GPATCH2L: variants seen among roughly 807,000 people sequenced by gnomAD.
The protein encoded by GPATCH2L is G patch domain-containing protein 2-like.
Under a neutral mutation model 57.4 loss-of-function variants are expected in GPATCH2L, and 31 were observed. The ratio of observed to expected loss-of-function variants is 0.54; its 90% CI spans 0.41 to 0.73. The LOEUF is 0.73. Ranked by LOEUF, GPATCH2L falls within the 30% of genes least tolerant of loss-of-function variation. The pLI is 0.00. For missense variants in GPATCH2L, 481 were observed against 599.9 expected, an observed-to-expected ratio of 0.80 and a Z score of 2.07; for synonymous variants, 199 against 210.7, an observed-to-expected ratio of 0.94 and a Z score of 0.48.
At chr14:76,152,898 G>A (rs2038119960) in intron 1 of GPATCH2L, 3 of 379,124 alleles carry the variant, frequency 7.9e-6, no homozygotes, top group South Asian at 5.9e-5. Flanking sequence ...TGGTCTTAGG[G>A]ACAGTTGTCT....
At chr14:76,176,417 G>T in intron 5 of GPATCH2L, 1 of 557,702 alleles carries the variant, frequency 1.8e-6, no homozygotes, top group Non-Finnish European at 3.2e-6. Flanking sequence ...GATCACTGGA[G>T]AATAATAAAT....
intron 1 of GPATCH2L, among the ~76,000 whole-genome samples, chr14:76,219,875 T>A (rs756068063): frequency 6.6e-6 from 1 of 152,288 alleles, no homozygotes; most frequent in South Asian, 2.1e-4. Context: ...TAAAATTATG[T>A]TTTGTTTGAT....
intron 3 of GPATCH2L, among the ~76,000 whole-genome samples, chr14:76,169,378 A>G (rs2038984818): frequency 6.6e-6 from 1 of 152,232 alleles, no homozygotes; most frequent in African/African-American, 2.4e-5. Flanking sequence ...ATTATTTATA[A>G]TCCAATTAAG....
chr14:76,204,202 C>T lies in GPATCH2L; in HGVS notation c.*2351C>T, dbSNP rs978331191. The stretch of plus-strand genomic sequence containing the variant: ...TAATCTCTTGTTTTTCAGTGATAGA[C>T]CTGAGTCAGTCTGAGATGCTTATTT... On this transcript the variant is annotated 3_prime_UTR_variant, in exon 10 of 10. Transcript: ENST00000261530. 2.0e-5 allele frequency: 3 copies of T among 152,158 alleles called. No homozygotes were observed. The highest frequency in any genetic ancestry group is 4.4e-5 in the Non-Finnish European group (3 of 68,038). 9.4% of individuals were successfully genotyped at this position (152,158 alleles called of 1,614,324 possible). A position where few individuals can be genotyped will look rare whatever the true frequency, so the allele number is the denominator to read the frequency against.
At chr14:76,172,137 GCTAGCTCAAGGATTTT>G in intron 4 of GPATCH2L, 118 bp downstream of exon 4, 1 of 570,776 alleles carries the variant, frequency 1.8e-6, no homozygotes. Context: ...GAATTTTGGA[GCTAGCTCAAGGATTTT>G]CTAGAGGAGT....
rs1314284957 is a variant in GPATCH2L at position 76,210,068 on chromosome 14, TA to T, written c.*8219del. On this transcript the variant is annotated 3_prime_UTR_variant, in exon 10 of 10. Transcript: ENST00000261530. The stretch of plus-strand genomic sequence containing the variant: ...CTCAGGGACCTCTTAGGGAAGAGGG[TA>T]ACTGCCCTAAAGCAGGATACTCCTG... 3 of 152,180 alleles carry T rather than the reference TA, an allele frequency of 2.0e-5. No homozygotes were observed. The East Asian group carries it at 5.8e-4, about 29-fold the overall frequency. 9.4% of individuals were successfully genotyped at this position (152,180 alleles called of 1,614,324 possible). A position where few individuals can be genotyped will look rare whatever the true frequency, so the allele number is the denominator to read the frequency against.
intron 2 of GPATCH2L, among the ~76,000 whole-genome samples, chr14:76,165,943 T>C (rs769999316): frequency 1.3e-5 from 2 of 152,200 alleles, no homozygotes; most frequent in African/African-American, 2.4e-5. Flanking sequence ...CTGTAGAGGA[T>C]TGAGAAGTTT....
chr14:76,155,458 T>A lies in GPATCH2L; in HGVS notation c.662+433T>A, dbSNP rs529862570. On this transcript the variant is annotated intron_variant, in intron 2 of 9. Coordinates refer to ENST00000261530, the MANE Select transcript of GPATCH2L (RefSeq NM_017926.4). ...GTTCCATTAAGTTGCCTGTCCTCAT[T>A]AAGAATCATGGCTTTAGATGCTTTT... is the stretch of plus-strand genomic sequence containing the variant. Among the ~76,000 whole-genome samples the A allele has an allele frequency of 2.5e-4, 38 of 152,344 alleles. 1 individual carries two copies. In the South Asian group the frequency reaches 7.7e-3, roughly 31 times the overall value.
Position 76,184,614 on chromosome 14 carries a change from A to G in GPATCH2L, c.1193+3765A>G, listed in dbSNP as rs530021273. Among the ~76,000 whole-genome samples the G allele has an allele frequency of 5.7e-4, 87 of 152,350 alleles. 1 individual carries two copies. The highest frequency in any genetic ancestry group is 2.0e-3 in the African/African-American group (84 of 41,580). On this transcript the variant is annotated intron_variant, in intron 8 of 9. Coordinates refer to ENST00000261530, the MANE Select transcript of GPATCH2L (RefSeq NM_017926.4). ...TATTAAAATAACATTTTATTGATGTAGCGTTATAATACAGCCCAGATGACA... is the reference window on the plus strand; with the variant it reads ...TATTAAAATAACATTTTATTGATGTGGCGTTATAATACAGCCCAGATGACA...
chr14:76,181,970 A>G (rs1187807788), intron 8 of GPATCH2L, among the ~76,000 whole-genome samples: 1 of 152,210 alleles, frequency 6.6e-6, no homozygotes, highest in Admixed American at 6.5e-5. Flanking sequence ...TAAATTTTGC[A>G]CCATAACCTA....
intron 8 of GPATCH2L, among the ~76,000 whole-genome samples, chr14:76,188,577 T>C (rs1019307780): frequency 6.6e-6 from 1 of 152,132 alleles, no homozygotes; most frequent in Non-Finnish European, 1.5e-5. Context: ...ACAGGGTTGT[T>C]TGAGCTCCTT....
chr14:76,165,787 T>C (rs900990451), intron 2 of GPATCH2L, among the ~76,000 whole-genome samples: 4 of 152,202 alleles, frequency 2.6e-5, no homozygotes, highest in Non-Finnish European at 5.9e-5. Flanking sequence ...GGAATATAGA[T>C]TGGGATTTTG....
chr14:76,216,220 G>A (rs578016705), downstream of GPATCH2L, among the ~76,000 whole-genome samples: 2 of 150,710 alleles, frequency 1.3e-5, no homozygotes, highest in African/African-American at 2.4e-5. Context: ...CTTGGCCCTG[G>A]GTGGAGGAAA....
At chr14:76,182,316 C>T (rs1295628255) in intron 8 of GPATCH2L, among the ~76,000 whole-genome samples, 1 of 140,946 alleles carries the variant, frequency 7.1e-6, no homozygotes, top group Non-Finnish European at 1.5e-5. Flanking sequence ...GAGATCGCGC[C>T]ACTGCACTCC....
intron 9 of GPATCH2L, among the ~76,000 whole-genome samples, chr14:76,198,888 A>G (rs2040234440): frequency 6.6e-6 from 1 of 152,218 alleles, no homozygotes; most frequent in East Asian, 1.9e-4. Context: ...GAATAAATTA[A>G]TAGAATCTTA....
chr14:76,221,626 G>A (rs77981996), intron 1 of GPATCH2L, among the ~76,000 whole-genome samples: 3,375 of 152,220 alleles, frequency 0.022, 74 homozygotes, highest in South Asian at 0.078. Flanking sequence ...GTACATGCAG[G>A]CAATGGAATA....
chr14:76,162,594 CT>C (rs531381400), intron 2 of GPATCH2L, among the ~76,000 whole-genome samples: 3 of 152,132 alleles, frequency 2.0e-5, no homozygotes, highest in East Asian at 1.9e-4. Context: ...CTTTCTGAAA[CT>C]TTTTTTTCCT....
chr14:76,217,919 G>A (rs1007084838), downstream of GPATCH2L, among the ~76,000 whole-genome samples: 1 of 152,114 alleles, frequency 6.6e-6, no homozygotes, highest in Non-Finnish European at 1.5e-5. Flanking sequence ...GAAGTATTAT[G>A]CTTGAACACA....
intron 1 of GPATCH2L, chr14:76,153,513 T>C (rs2038151755): frequency 6.6e-6 from 1 of 152,248 alleles, no homozygotes. Flanking sequence ...CCTATCCCTG[T>C]CATTTCAGCT....
Sources: gnomAD v4.1 joint callset for allele counts (sites outside exome capture counted in the v4.1 genomes callset) on GRCh38, gnomAD v4.1.1 for gene constraint, MANE v1.5 for transcripts, NCBI Gene and HGNC (gene_info 2026-07-23, HGNC 2026-07-21) for gene names.